Variants in EPHA8 observed in about 807,000 individuals in gnomAD.
EPHA8 encodes EPH receptor A8, also known as ephrin type-A receptor 8.
A neutral mutation model predicts 103.6 loss-of-function variants in EPHA8; 58 were observed. The observed-to-expected ratio is 0.56, with a 90% CI of 0.45 to 0.70. The LOEUF (loss-of-function observed/expected upper bound fraction) is 0.70, where lower values mean the gene tolerates loss of function less well. EPHA8 is among the 30% of genes least tolerant of loss of function. The pLI is 0.00. For synonymous variants in EPHA8, 559 were observed against 572.5 expected, an observed-to-expected ratio of 0.98 and a Z score of 0.34; for missense variants, 1,304 against 1,395.2, an observed-to-expected ratio of 0.93 and a Z score of 1.04.
In EPHA8 at chr1:22,597,906, G is replaced by T. The variant is rs370077161; in HGVS notation, c.2116+45G>T. On this transcript the variant is annotated intron_variant, in intron 11 of 16. Transcript: ENST00000166244. This position sits in a 1 kb window ranked among gnomAD's most constrained non-coding sequence, Gnocchi z 4.6. ...AGCCTCCCCCTGCAGTGCCCCTCCT[G>T]CCTGGAGAGGCCTCTGGGTCCATCC... 44 of 1,579,258 alleles carry T rather than the reference G, an allele frequency of 2.8e-5. No homozygotes were observed. The highest frequency in any genetic ancestry group is 3.4e-5 in the Non-Finnish European group (40 of 1,161,116).
chr1:22,586,390 C>G, intron 3 of EPHA8, 90 bp from the exon 4 acceptor site: 2 of 1,492,134 alleles, frequency 1.3e-6, no homozygotes, highest in Non-Finnish European at 1.8e-6. Context: ...GGGGCACCCC[C>G]CAGGAAGCTG....
Position 22,597,355 on chromosome 1 carries a change from G to T in EPHA8, c.1809G>T (p.Lys603Asn), listed in dbSNP as rs745792239. Residue 603 changes from lysine (K) to asparagine (N), a missense_variant, in exon 10 of 17, where the codon AAG (lysine) becomes AAT (asparagine). Physicochemically the swap from Lys to Asn is moderately conservative, Grantham distance 94 (BLOSUM62 0). Transcript: ENST00000166244. The surrounding 1 kb of genome is among the most constrained non-coding windows in gnomAD (Gnocchi z 4.6). The stretch of plus-strand genomic sequence containing the variant: ...TGCCTCTGCATCACCCCCCGGGAAA[G>T]CTCCCAGAGCCCCAGTTCTATGCGG... ...VFLPLHHPPG[K>N]LPEPQFYAEP... 1 of 1,611,036 alleles carries T rather than the reference G, an allele frequency of 6.2e-7. No homozygotes were observed. The highest frequency in any genetic ancestry group is 8.5e-7 in the Non-Finnish European group (1 of 1,178,384).
At chr1:22,578,776 C>A (rs527409232) in intron 3 of EPHA8, among the ~76,000 whole-genome samples, 1 of 138,288 alleles carries the variant, frequency 7.2e-6, no homozygotes, top group Admixed American at 7.3e-5. Context: ...TGTATGTGTA[C>A]GTGTGGGCAT....
intron 7 of EPHA8, among the ~76,000 whole-genome samples, 199 bp from the exon 8 acceptor site, chr1:22,595,031 C>T (rs926722130): frequency 2.6e-5 from 4 of 152,178 alleles, no homozygotes; most frequent in Admixed American, 6.5e-5. Flanking sequence ...GTCTCACGAA[C>T]TTGAAGAGGA....
intron 2 of EPHA8, among the ~76,000 whole-genome samples, chr1:22,573,780 CCT>C (rs1640608033): frequency 6.6e-6 from 1 of 152,188 alleles, no homozygotes; most frequent in African/African-American, 2.4e-5. Context: ...TGTCCCCTCC[CCT>C]GTCTTCTGCA....
intron 1 of EPHA8, among the ~76,000 whole-genome samples, chr1:22,564,443 A>C (rs945884830): frequency 6.7e-6 from 1 of 148,380 alleles, no homozygotes; most frequent in African/African-American, 2.5e-5. Context: ...GGGCTGGGGG[A>C]TGGGGAGGCC....
At position 22,600,719 on chromosome 1, in the gene EPHA8, C is replaced by T. The variant is rs1300462328; in HGVS notation, c.2447C>T (p.Ser816Phe). ...GAGGCCATCGCCTTCCGCACCTTCT[C>T]CTCGGCCAGCGACGTGTGGAGCTTC... The part of the protein sequence containing the change: ...APEAIAFRTF[S>F]SASDVWSFGV... The change falls in exon 14 of 17, where the codon TCC (serine) becomes TTC (phenylalanine). Residue 816 changes from serine (S) to phenylalanine (F), a missense_variant. Physicochemically the swap from Ser to Phe is radical, Grantham distance 155. Transcript: ENST00000166244. 1.9e-6 allele frequency: 3 copies of T among 1,613,654 alleles called. No homozygotes were observed. The highest frequency in any genetic ancestry group is 1.7e-5 in the Admixed American group (1 of 60,008).
intron 3 of EPHA8, among the ~76,000 whole-genome samples, chr1:22,578,286 G>C (rs940462578): frequency 6.7e-6 from 1 of 150,292 alleles, no homozygotes; most frequent in East Asian, 2.0e-4. Flanking sequence ...GCATGTGTAC[G>C]TGTGCATGAG....
At position 22,600,748 on chromosome 1, in the gene EPHA8, G is replaced by A. The variant is rs72651352; in HGVS notation, c.2476G>A (p.Val826Met). The A allele has an allele frequency of 1.4e-3, 2,240 of 1,613,234 alleles. 2 individuals are homozygous for A. The highest frequency in any genetic ancestry group is 1.8e-3 in the Non-Finnish European group (2,135 of 1,179,606). Residue 826 changes from valine to methionine, a missense_variant, in exon 14 of 17, where the codon GTG becomes ATG. Transcript: ENST00000166244. ...SSASDVWSFG[V>M]VMWEVLAYGE... is the part of the protein sequence containing the mutation. ...GGCCAGCGACGTGTGGAGCTTCGGC[G>A]TGGTCATGTGGGAGGTGCTGGCCTA... is the stretch of plus-strand genomic sequence containing the variant.
chr1:22,593,493 G>A, intron 6 of EPHA8, 31 bp from the exon 7 acceptor site: 1 of 1,610,350 alleles, frequency 6.2e-7, no homozygotes, highest in Non-Finnish European at 8.5e-7. Context: ...GGCCAGCAGG[G>A]CAGGGCCCAC....
At chr1:22,600,029 AGAAG>A (rs1431312564) in intron 13 of EPHA8, among the ~76,000 whole-genome samples, 10 of 89,970 alleles carry the variant, frequency 1.1e-4, no homozygotes, top group Non-Finnish European at 1.8e-4. Flanking sequence ...GGGAAGGGAG[AGAAG>A]GAGGGAGGGA....
chr1:22,600,997 G>A lies in EPHA8; in HGVS notation c.2638G>A (p.Ala880Thr), dbSNP rs761229579. The change falls in exon 15 of 17, where the codon GCG becomes ACG. Residue 880 changes from alanine (A) to threonine (T), a missense_variant. By Grantham distance (58) the Ala-to-Thr change is moderately conservative. Transcript: ENST00000166244. ...LMLDCWHKDR[A>T]QRPRFSQIVS... ...GCTCGACTGTTGGCACAAGGACCGGGCGCAGCGGCCTCGCTTCTCCCAGAT... is the reference window on the plus strand; with the variant it reads ...GCTCGACTGTTGGCACAAGGACCGGACGCAGCGGCCTCGCTTCTCCCAGAT... 1.2e-6 allele frequency: 2 copies of A among 1,612,868 alleles called. No individual in the cohort carries two copies. Among genetic ancestry groups the A allele is most frequent in the Non-Finnish European group, 1.7e-6 (2 of 1,179,892 alleles).
At chr1:22,582,879 C>T (rs942164963) in intron 3 of EPHA8, among the ~76,000 whole-genome samples, 14 of 152,260 alleles carry the variant, frequency 9.2e-5, no homozygotes, top group African/African-American at 2.9e-4. Flanking sequence ...TCACCCTTCG[C>T]GGCCCTAATC....
At chr1:22,570,095 GAC>G in intron 2 of EPHA8, among the ~76,000 whole-genome samples, 1 of 152,298 alleles carries the variant, frequency 6.6e-6, no homozygotes, top group Non-Finnish European at 1.5e-5. Flanking sequence ...GAGAGCAGAT[GAC>G]ACAGTCTTGG....
rs1044283486 is a variant in EPHA8, at chr1:22,569,597, C to T, written c.159+244C>T. On this transcript the variant is annotated intron_variant, in intron 2 of 16. Coordinates refer to ENST00000166244, the MANE Select transcript of EPHA8 (RefSeq NM_020526.5). This position sits in a 1 kb window ranked among gnomAD's most constrained non-coding sequence, Gnocchi z 4.5. ...TTCTTCAAGTCTGAGGCCCTAGGTC[C>T]GGGGATCCCCATGGCTGCATCCTAC... Among the ~76,000 whole-genome samples the T allele has an allele frequency of 9.2e-5, 14 of 152,140 alleles. No homozygotes were observed. The highest frequency in any genetic ancestry group is 7.7e-4 in the East Asian group (4 of 5,192).
Position 22,576,582 on chromosome 1 carries a change from C to A in EPHA8, c.525C>A (p.Pro175=), listed in dbSNP as rs373550898. The part of the protein sequence containing the change: ...KLNTEVRSVG[P]LSKRGFYLAF... ...ACACGGAGGTGCGCAGTGTGGGTCCCCTCAGCAAGCGCGGCTTCTACCTGG... is the reference window on the plus strand; with the variant it reads ...ACACGGAGGTGCGCAGTGTGGGTCCACTCAGCAAGCGCGGCTTCTACCTGG... The change falls in exon 3 of 17, where the codon CCC becomes CCA. Residue 175 remains proline, a synonymous_variant. Transcript: ENST00000166244. The surrounding 1 kb of genome is among the most constrained non-coding windows in gnomAD (Gnocchi z 4.8). The A allele has an allele frequency of 1.2e-6, 2 of 1,614,112 alleles. No individual in the cohort carries two copies. The highest frequency in any genetic ancestry group is 1.7e-6 in the Non-Finnish European group (2 of 1,180,028).
intron 3 of EPHA8, among the ~76,000 whole-genome samples, chr1:22,578,986 T>A (rs1377863130): frequency 1.4e-5 from 2 of 145,912 alleles, no homozygotes; most frequent in African/African-American, 5.0e-5. Context: ...TGTGAGTGTA[T>A]GTGTGCATGT....
chr1:22,581,852 G>A (rs1267221937), intron 3 of EPHA8, among the ~76,000 whole-genome samples: 1 of 152,214 alleles, frequency 6.6e-6, no homozygotes, highest in Non-Finnish European at 1.5e-5. Context: ...CGGAAAGCCC[G>A]TTTTAAGTCG....
At chr1:22,570,820 G>A (rs1389034318) in intron 2 of EPHA8, among the ~76,000 whole-genome samples, 3 of 152,262 alleles carry the variant, frequency 2.0e-5, no homozygotes, top group Non-Finnish European at 4.4e-5. Flanking sequence ...GGTTCTTGAG[G>A]TGTCCCTTTA....
Sources: allele counts gnomAD v4.1 joint callset (sites outside exome capture counted in the v4.1 genomes callset), GRCh38; gene constraint gnomAD v4.1.1; non-coding constraint Gnocchi (gnomAD v3.1); transcripts MANE v1.5; gene names NCBI Gene and HGNC (gene_info 2026-07-23, HGNC 2026-07-21).